Variants in TRIQK observed in about 807,000 individuals in gnomAD.
The protein encoded by TRIQK is triple QxxK/R motif containing.
Under a neutral mutation model 10.8 loss-of-function variants are expected in TRIQK, and 10 were observed. The ratio of observed to expected loss-of-function variants is 0.92; its 90% CI spans 0.57 to 1.57. The LOEUF is 1.57. Ranked by LOEUF, TRIQK falls within the 40% of genes most tolerant of loss-of-function variation. The pLI is 0.00. For missense variants in TRIQK, 107 were observed against 97.7 expected, an observed-to-expected ratio of 1.09 and a Z score of -0.40; for synonymous variants, 33 against 33.7, an observed-to-expected ratio of 0.98 and a Z score of 0.07.
At chr8:92,927,892 G>A (rs1304039252) in intron 2 of TRIQK, 1 of 152,130 alleles carries the variant, frequency 6.6e-6, no homozygotes, top group East Asian at 1.9e-4. Flanking sequence ...TGTTCTGGAA[G>A]TGGCAATAAA....
chr8:92,951,183 T>C (rs1236833109), intron 2 of TRIQK, among the ~76,000 whole-genome samples: 1 of 151,994 alleles, frequency 6.6e-6, no homozygotes, highest in Non-Finnish European at 1.5e-5. Context: ...AATTCATGGA[T>C]GCAAAACCCT....
In TRIQK at chr8:92,901,955, G is replaced by A. The variant is rs1808962604; in HGVS notation, c.62-9881C>T. On this transcript the variant is annotated intron_variant, in intron 3 of 4. Coordinates refer to ENST00000521988, the MANE Select transcript of TRIQK (RefSeq NM_001171797.2). ...CTGTTCAGGTTTTGGATTTCTTCAT[G>A]GTTCAATCTTAGTGAGTTGTATGAG... Among the ~76,000 whole-genome samples the A allele has an allele frequency of 2.6e-5, 4 of 152,088 alleles. No individual in the cohort carries two copies. The South Asian group carries it at 8.3e-4, about 32-fold the overall frequency.
At chr8:93,007,608 A>G (rs948699712) in intron 1 of TRIQK, among the ~76,000 whole-genome samples, 2 of 152,224 alleles carry the variant, frequency 1.3e-5, no homozygotes, top group African/African-American at 4.8e-5. Context: ...TTCTAACCCA[A>G]TGCAAAAAAG....
intron 4 of TRIQK, chr8:92,886,951 A>G (rs1816515828): frequency 6.2e-6 from 2 of 320,846 alleles, no homozygotes; most frequent in Admixed American, 9.5e-5. Context: ...TGGGTGAGTC[A>G]TTAGTATTAT....
intron 2 of TRIQK, among the ~76,000 whole-genome samples, chr8:92,920,499 C>A: frequency 6.8e-6 from 1 of 146,942 alleles, no homozygotes; most frequent in African/African-American, 2.5e-5. Context: ...CTTTGAAGAA[C>A]AAAGACCCAT....
chr8:92,903,188 T>C (rs1809050279), intron 3 of TRIQK, among the ~76,000 whole-genome samples: 1 of 152,120 alleles, frequency 6.6e-6, no homozygotes, highest in Non-Finnish European at 1.5e-5. Flanking sequence ...ACCCAATACA[T>C]TTCACATTTT....
chr8:92,970,333 G>T (rs1278722099), upstream of TRIQK, among the ~76,000 whole-genome samples: 1 of 152,196 alleles, frequency 6.6e-6, no homozygotes, highest in Non-Finnish European at 1.5e-5. Context: ...TGAGTGGAAT[G>T]GTGGTTCTGC....
intron 2 of TRIQK, among the ~76,000 whole-genome samples, chr8:92,920,012 T>C (rs1364668489): frequency 6.6e-6 from 1 of 151,944 alleles, no homozygotes; most frequent in Non-Finnish European, 1.5e-5. Context: ...TTATTTGAGT[T>C]TTCTCCTTTT....
intron 3 of TRIQK, among the ~76,000 whole-genome samples, chr8:92,897,048 C>G (rs915147866): frequency 1.3e-5 from 2 of 152,008 alleles, no homozygotes; most frequent in African/African-American, 4.8e-5. Flanking sequence ...AACTCCTGAC[C>G]TCAGGTGATC....
intron 2 of TRIQK, among the ~76,000 whole-genome samples, chr8:92,946,536 C>T (rs1415282771): frequency 6.6e-6 from 1 of 152,118 alleles, no homozygotes; most frequent in Non-Finnish European, 1.5e-5. Context: ...CTCTGAACCC[C>T]TGTCTTTAAA....
chr8:92,904,235 T>C (rs900160907), intron 3 of TRIQK, among the ~76,000 whole-genome samples: 2 of 152,152 alleles, frequency 1.3e-5, no homozygotes, highest in Non-Finnish European at 1.5e-5. Flanking sequence ...CAAATGATAA[T>C]GGAAATAGGC....
At chr8:92,980,287 T>A (rs1206080203) in intron 1 of TRIQK, among the ~76,000 whole-genome samples, 2 of 152,066 alleles carry the variant, frequency 1.3e-5, no homozygotes, top group Admixed American at 1.3e-4. Context: ...ATTTGATTAT[T>A]CCTTTTTAAA....
At chr8:92,899,345 A>G (rs565132326) in intron 3 of TRIQK, among the ~76,000 whole-genome samples, 7 of 151,982 alleles carry the variant, frequency 4.6e-5, no homozygotes, top group Admixed American at 2.6e-4. Context: ...ATTCATTCTT[A>G]CTAACTATAT....
At chr8:92,887,502 G>A (rs919333707) in intron 4 of TRIQK, among the ~76,000 whole-genome samples, 3 of 150,966 alleles carry the variant, frequency 2.0e-5, no homozygotes, top group Non-Finnish European at 4.4e-5. Flanking sequence ...GTATGTATAT[G>A]TATATATCTC....
intron 1 of TRIQK, among the ~76,000 whole-genome samples, chr8:93,000,233 C>T (rs769307945): frequency 6.6e-6 from 1 of 152,140 alleles, no homozygotes; most frequent in Non-Finnish European, 1.5e-5. Flanking sequence ...TCACAAATAA[C>T]TATATCTGTA....
chr8:92,972,302 ATTT>A lies in TRIQK; in HGVS notation c.-180-17741_-180-17739del, dbSNP rs548911154. Among the ~76,000 whole-genome samples the A allele has an allele frequency of 1.2e-4, 18 of 151,852 alleles. 1 individual carries two copies. The East Asian group carries it at 3.5e-3, about 29-fold the overall frequency. ...GTATAAGTCTATCATTTTTCTTTGT[ATTT>A]TTTATTTTTCATTTTTACCTTTCTC... On this transcript the variant is annotated intron_variant, in intron 1 of 4. Transcript: ENST00000520686.
intron 1 of TRIQK, among the ~76,000 whole-genome samples, chr8:92,997,881 T>C (rs1159175824): frequency 6.6e-6 from 1 of 152,064 alleles, no homozygotes; most frequent in Non-Finnish European, 1.5e-5. Context: ...CAAGTTCTAA[T>C]AATAGAAAGT....
At chr8:92,888,091 A>G (rs577983202) in intron 4 of TRIQK, among the ~76,000 whole-genome samples, 1 of 151,750 alleles carries the variant, frequency 6.6e-6, no homozygotes, top group East Asian at 1.9e-4. Context: ...GTGTTCCCAG[A>G]CCCATCTGGT....
At chr8:93,003,263 A>T (rs374612176) in intron 1 of TRIQK, among the ~76,000 whole-genome samples, 1 of 151,216 alleles carries the variant, frequency 6.6e-6, no homozygotes, top group Non-Finnish European at 1.5e-5. Context: ...GTAGCTTACA[A>T]TCATGATGGA....
Sources: allele counts gnomAD v4.1 joint callset (sites outside exome capture counted in the v4.1 genomes callset), GRCh38; gene constraint gnomAD v4.1.1; transcripts MANE v1.5; gene names NCBI Gene and HGNC (gene_info 2026-07-23, HGNC 2026-07-21).